Variants in CSF2RB observed in about 807,000 individuals in gnomAD.
The protein encoded by CSF2RB is colony stimulating factor 2 receptor subunit beta, also known as cytokine receptor common subunit beta.
A neutral mutation model predicts 67.2 loss-of-function variants in CSF2RB; 22 were observed. The ratio of observed to expected loss-of-function variants is 0.33; its 90% CI spans 0.23 to 0.47. CSF2RB has a LOEUF of 0.47. CSF2RB is among the 20% of genes least tolerant of loss of function. CSF2RB has a pLI of 1.00. For synonymous variants in CSF2RB, 507 were observed against 482.9 expected, an observed-to-expected ratio of 1.05 and a Z score of -0.65; for missense variants, 1,113 against 1,174.5, an observed-to-expected ratio of 0.95 and a Z score of 0.76.
At chr22:36,924,508 G>A (rs977348903) in intron 3 of CSF2RB, among the ~76,000 whole-genome samples, 1 of 152,110 alleles carries the variant, frequency 6.6e-6, no homozygotes, top group African/African-American at 2.4e-5. Context: ...TCCTGACCTG[G>A]CAACCCTGCG....
chr22:36,919,398 A>T (rs1345590176), intron 1 of CSF2RB, among the ~76,000 whole-genome samples: 3 of 151,192 alleles, frequency 2.0e-5, no homozygotes, highest in African/African-American at 7.3e-5. Flanking sequence ...CCCACTATTG[A>T]TTGTTGTTGT....
chr22:36,925,610 C>A (rs955691770), intron 3 of CSF2RB, among the ~76,000 whole-genome samples: 2 of 152,186 alleles, frequency 1.3e-5, no homozygotes, highest in East Asian at 1.9e-4. Context: ...GTGCTGTTCC[C>A]ATTTCCTGAA....
At chr22:36,923,868 T>C (rs1940942164) in intron 3 of CSF2RB, 1 of 1,071,486 alleles carries the variant, frequency 9.3e-7, no homozygotes, top group Admixed American at 2.3e-5. Flanking sequence ...GCAAGCTGTG[T>C]GGACGTGTCT....
In CSF2RB at chr22:36,938,008, C is replaced by T. The variant is rs1406704383; in HGVS notation, c.2200C>T (p.Leu734=). The T allele has an allele frequency of 5.6e-6, 9 of 1,614,010 alleles. No individual in the cohort carries two copies. In the South Asian group the frequency reaches 9.9e-5, roughly 18 times the overall value. ...CTCGTCTGTCTCCCTAGTTCCCTCT[C>T]TGGGCCTCCCCTCAGACCAGACCCC... ...GASSVSLVPS[L]GLPSDQTPSL... Residue 734 remains leucine (L), a synonymous_variant, in exon 14 of 14, where the codon CTG becomes TTG. Coordinates refer to ENST00000403662, the MANE Select transcript of CSF2RB (RefSeq NM_000395.3).
chr22:36,937,543 A>G lies in CSF2RB; in HGVS notation c.1735A>G (p.Thr579Ala), dbSNP rs558418043. Residue 579 changes from threonine (T) to alanine (A), a missense_variant, in exon 14 of 14, where the codon ACA becomes GCA. Physicochemically the swap from Thr to Ala is moderately conservative, Grantham distance 58. Around this residue, in one of 2 missense-constraint regions of CSF2RB, gnomAD observed 554 missense variants for 517.9 expected, o/e 1.07. Transcript: ENST00000403662. The surrounding 1 kb of genome is among the most constrained non-coding windows in gnomAD (Gnocchi z 4.6). The stretch of plus-strand genomic sequence containing the variant: ...GCCAGGCCCGCCTGCCGCCTCCCAC[A>G]CACCTGAGAAACAGGCTTCCAGCTT... The part of the protein sequence containing the change: ...PQPGPPAASH[T>A]PEKQASSFDF... 6.4e-5 allele frequency: 103 copies of G among 1,613,422 alleles called. 1 individual carries two copies. The Middle Eastern group carries it at 9.9e-4, about 16-fold the overall frequency.
chr22:36,929,958 C>T, intron 6 of CSF2RB, 151 bp downstream of exon 6: 1 of 1,047,626 alleles, frequency 9.5e-7, no homozygotes, highest in Non-Finnish European at 1.4e-6. Flanking sequence ...CGTCCCACCT[C>T]TACTGTGACC....
At chr22:36,928,436 T>C (rs892686358) in intron 4 of CSF2RB, among the ~76,000 whole-genome samples, 11 of 152,092 alleles carry the variant, frequency 7.2e-5, no homozygotes, top group African/African-American at 2.4e-4. Flanking sequence ...GGAGGGGCGG[T>C]TCCCCTGCTG....
At chr22:36,924,091 G>A (rs1394836356) in intron 3 of CSF2RB, among the ~76,000 whole-genome samples, 5 of 152,016 alleles carry the variant, frequency 3.3e-5, no homozygotes, top group South Asian at 4.1e-4. Context: ...CAGCGTTGGG[G>A]GGCGGGGCCG....
chr22:36,926,532 T>A (rs895502515), intron 4 of CSF2RB, among the ~76,000 whole-genome samples: 2 of 152,240 alleles, frequency 1.3e-5, no homozygotes, highest in African/African-American at 2.4e-5. Flanking sequence ...ATTTCCTGGA[T>A]GTGGCCCTTG....
At chr22:36,921,591 A>C (rs1349766336) in intron 1 of CSF2RB, among the ~76,000 whole-genome samples, 1 of 152,008 alleles carries the variant, frequency 6.6e-6, no homozygotes, top group Non-Finnish European at 1.5e-5. Context: ...AATGAAAGGG[A>C]GGAAACCCCC....
intron 6 of CSF2RB, 59 bp from the exon 7 acceptor site, chr22:36,930,316 C>A (rs746694766): frequency 1.9e-6 from 3 of 1,610,164 alleles, no homozygotes; most frequent in East Asian, 2.2e-5. Flanking sequence ...GGTGGGCACC[C>A]ACTGAGAGCT....
Position 36,937,788 on chromosome 22 carries a change from G to C in CSF2RB, c.1980G>C (p.Gln660His). The change falls in exon 14 of 14, where the codon CAG becomes CAC. Residue 660 changes from glutamine (Q) to histidine (H), a missense_variant. Around this residue, in one of 2 missense-constraint regions of CSF2RB, gnomAD observed 554 missense variants for 517.9 expected, o/e 1.07. Transcript: ENST00000403662. The surrounding 1 kb of genome is among the most constrained non-coding windows in gnomAD (Gnocchi z 4.6). ...QAVEVERRPS[Q>H]GAAGSPSLES... Reference sequence around the variant, plus strand: ...TGGAAGTGGAGAGAAGGCCGAGCCAGGGGGCTGCAGGGAGTCCCTCCCTGG... The same window carrying C: ...TGGAAGTGGAGAGAAGGCCGAGCCACGGGGCTGCAGGGAGTCCCTCCCTGG... 6.3e-7 allele frequency: 1 copy of C among 1,586,016 alleles called. No homozygotes were observed. Among genetic ancestry groups the C allele is most frequent in the African/African-American group, 1.3e-5 (1 of 74,786 alleles).
rs137892267 is a variant in CSF2RB at position 36,920,928 on chromosome 22, C to T, written c.-172-1108C>T. Reference sequence around the variant, plus strand: ...CATCGCTTCACATTGATTCCTGATTCCTTCTCAGTCTGGGGTCAAGTAGAG... The same window carrying T: ...CATCGCTTCACATTGATTCCTGATTTCTTCTCAGTCTGGGGTCAAGTAGAG... On this transcript the variant is annotated intron_variant, in intron 1 of 13. Transcript: ENST00000403662. Among the ~76,000 whole-genome samples, 60 of 152,184 alleles carry T rather than the reference C, an allele frequency of 3.9e-4. 2 individuals carry two copies. In the East Asian group the frequency reaches 7.7e-3, roughly 20 times the overall value.
intron 1 of CSF2RB, among the ~76,000 whole-genome samples, chr22:36,918,574 T>A (rs1425376780): frequency 2.6e-5 from 4 of 152,218 alleles, no homozygotes; most frequent in Non-Finnish European, 4.4e-5. Context: ...GCCTCCCCCC[T>A]TGAATACAGA....
Position 36,939,306 on chromosome 22 carries a change from G to A in CSF2RB, c.*804G>A, listed in dbSNP as rs1168502390. The A allele has an allele frequency of 8.6e-6, 6 of 701,412 alleles. No homozygotes were observed. In the African/African-American group the frequency reaches 1.0e-4, roughly 12 times the overall value. The allele number at this position is 701,412 out of a possible 1,614,324, so 43.4% of individuals were successfully genotyped here. A position where few individuals can be genotyped will look rare whatever the true frequency, so the allele number is the denominator to read the frequency against. ...TGGCGGGACCTGGGGAACATCAGGA[G>A]AGGAGTCCAGAGCCCACGTCTACTG... On this transcript the variant is annotated 3_prime_UTR_variant, in exon 14 of 14. Coordinates refer to ENST00000403662, the MANE Select transcript of CSF2RB (RefSeq NM_000395.3).
chr22:36,933,682 G>A lies in CSF2RB; in HGVS notation c.1153-150G>A. On this transcript the variant is annotated intron_variant, in intron 9 of 13. Transcript: ENST00000403662. ...GTGCTGTCCGTGGGTGGGCCCTCAG[G>A]GAGGATCCACGGTGGTGAGAGAGAA... The A allele has an allele frequency of 3.7e-6, 4 of 1,071,406 alleles. No homozygotes were observed. The South Asian group carries it at 5.7e-5, about 15-fold the overall frequency. 66.4% of individuals were successfully genotyped at this position (1,071,406 alleles called of 1,614,324 possible).
chr22:36,939,437 C>T lies in CSF2RB; in HGVS notation c.*935C>T. The T allele has an allele frequency of 1.7e-6, 1 of 574,550 alleles. No individual in the cohort carries two copies. The highest frequency in any genetic ancestry group is 3.1e-6 in the Non-Finnish European group (1 of 319,832). 35.6% of individuals were successfully genotyped at this position (574,550 alleles called of 1,614,324 possible). A position where few individuals can be genotyped will look rare whatever the true frequency, so the allele number is the denominator to read the frequency against. ...CCGGGTGGCCACTCTTCCAGATAGA[C>T]CAGGCAACTCTCCCTCCCACCGGCC... On this transcript the variant is annotated 3_prime_UTR_variant, in exon 14 of 14. Transcript: ENST00000403662.
chr22:36,914,485 G>T (rs552724844), intron 1 of CSF2RB, among the ~76,000 whole-genome samples: 1 of 152,002 alleles, frequency 6.6e-6, no homozygotes, highest in Admixed American at 6.5e-5. Context: ...TTGCTGATTT[G>T]GGTTGGGGCC....
chr22:36,915,767 A>G (rs1940704200), intron 1 of CSF2RB, among the ~76,000 whole-genome samples: 1 of 152,218 alleles, frequency 6.6e-6, no homozygotes, highest in African/African-American at 2.4e-5. Flanking sequence ...TAAAGGGTCC[A>G]ATTTACCTTT....
Sources: gnomAD v4.1 joint callset for allele counts (sites outside exome capture counted in the v4.1 genomes callset) on GRCh38, gnomAD v4.1.1 for gene constraint, gnomAD v4.1.1 regional missense constraint, Gnocchi (gnomAD v3.1) non-coding constraint, MANE v1.5 for transcripts, NCBI Gene and HGNC (gene_info 2026-07-23, HGNC 2026-07-21) for gene names.